The following SHTN1 variants were observed in gnomAD, a reference collection of about 807,000 sequenced individuals.
SHTN1 encodes shootin 1, also known as shootin-1.
SHTN1 carries 42 observed loss-of-function variants against 83.1 expected under a neutral mutation model. The observed-to-expected ratio is 0.51, with a 90% CI of 0.39 to 0.65. SHTN1 has a LOEUF of 0.65. Among genes scored for constraint, SHTN1 ranks in the 30% least tolerant of loss-of-function variants. The pLI, the probability that SHTN1 is intolerant of heterozygous loss-of-function variation, is 0.00. For synonymous variants in SHTN1, 224 were observed against 247.7 expected (o/e 0.90, Z 0.90); for missense variants, 622 against 737.8 (o/e 0.84, Z 1.82).
chr10:116,891,914 C>T (rs948424763), intron 16 of SHTN1, among the ~76,000 whole-genome samples: 5 of 151,964 alleles, frequency 3.3e-5, no homozygotes, highest in Non-Finnish European at 4.4e-5. Context: ...GCTCAAAGAA[C>T]GTATTAAGTT....
Position 116,927,823 on chromosome 10 carries a change from G to A in SHTN1, c.1081C>T (p.Pro361Ser). ...GGATTGGGAGGTGGAGGGGGAAGTG[G>A]TGGTGGAGGAGGAGGTGGTGGAGGT... Reference protein sequence around the residue: ...SVPPPPPPPPPLPPPPPNPIR... With the variant: ...SVPPPPPPPPSLPPPPPNPIR... Residue 361 changes from proline to serine, a missense_variant, in exon 11 of 17, where the codon CCA becomes TCA. Coordinates refer to ENST00000355371, the MANE Select transcript of SHTN1 (RefSeq NM_001127211.3). 2 of 1,604,900 alleles carry A rather than the reference G, an allele frequency of 1.2e-6. No homozygotes were observed. Among genetic ancestry groups the A allele is most frequent in the Non-Finnish European group, 1.7e-6 (2 of 1,176,188 alleles).
Position 116,927,841 on chromosome 10 carries a change from G to A in SHTN1, c.1063C>T (p.Pro355Ser), listed in dbSNP as rs1330171223. ...GGAAGTGGTGGTGGAGGAGGAGGTG[G>A]TGGAGGTACTGAATTCTCAGACTGG... ...VNQSENSVPP[P>S]PPPPPPLPPP... Residue 355 changes from proline (P) to serine (S), a missense_variant, in exon 11 of 17, where the codon CCA becomes TCA. Pro to Ser is a moderately conservative substitution (Grantham distance 74). Transcript: ENST00000355371. 2 of 1,610,794 alleles carry A rather than the reference G, an allele frequency of 1.2e-6. No individual in the cohort carries two copies. The highest frequency in any genetic ancestry group is 1.7e-6 in the Non-Finnish European group (2 of 1,178,622).
At chr10:117,076,825 A>G (rs551085209) in intron 1 of SHTN1, among the ~76,000 whole-genome samples, 5 of 152,346 alleles carry the variant, frequency 3.3e-5, no homozygotes, top group East Asian at 1.9e-4. Context: ...GAATTTACAC[A>G]TTATCTTCAT....
intron 12 of SHTN1, among the ~76,000 whole-genome samples, chr10:116,920,899 T>C (rs1848539155): frequency 1.3e-5 from 2 of 152,184 alleles, no homozygotes; most frequent in Admixed American, 1.3e-4. Context: ...AAGGCACAAC[T>C]ACTCAGCTTG....
At chr10:117,051,999 C>CATATATATATATAT (rs71013635) in intron 1 of SHTN1, among the ~76,000 whole-genome samples, 563 of 34,098 alleles carry the variant, frequency 0.017, 40 homozygotes, top group Middle Eastern at 0.026. Context: ...ATGACATAAT[C>CATATATATATATAT]ATATATATAT....
chr10:117,031,157 A>G (rs1313875254), intron 2 of SHTN1, among the ~76,000 whole-genome samples: 1 of 152,172 alleles, frequency 6.6e-6, no homozygotes, highest in Non-Finnish European at 1.5e-5. Context: ...CAATATGCCT[A>G]GTAGCACTTT....
intron 2 of SHTN1, among the ~76,000 whole-genome samples, chr10:117,026,423 CTTTTT>C (rs56269054): frequency 2.1e-5 from 3 of 143,498 alleles, no homozygotes; most frequent in African/African-American, 2.6e-5. Context: ...AGATAGACTT[CTTTTT>C]TTTTTTTTTT....
At chr10:117,113,870 A>AC (rs1478845740) in intron 1 of SHTN1, among the ~76,000 whole-genome samples, 1 of 152,024 alleles carries the variant, frequency 6.6e-6, no homozygotes, top group African/African-American at 2.4e-5. Flanking sequence ...ACATGGTGAA[A>AC]CCCCGTCTCT....
chr10:116,922,782 T>C (rs1398187908), intron 11 of SHTN1, among the ~76,000 whole-genome samples: 2 of 152,040 alleles, frequency 1.3e-5, no homozygotes, highest in African/African-American at 4.8e-5. Flanking sequence ...CTGGCCAACA[T>C]GGCAAAACCC....
intron 1 of SHTN1, among the ~76,000 whole-genome samples, chr10:116,986,913 G>A (rs1386845580): frequency 6.6e-6 from 1 of 151,752 alleles, no homozygotes; most frequent in African/African-American, 2.4e-5. Flanking sequence ...ATTTTTAGTA[G>A]AGACGGGGTT....
chr10:117,054,722 A>T (rs1034266585), intron 1 of SHTN1, among the ~76,000 whole-genome samples: 61 of 151,830 alleles, frequency 4.0e-4, no homozygotes, highest in Non-Finnish European at 7.7e-4. Flanking sequence ...CCTTATCTTA[A>T]CTTAAATATT....
intron 1 of SHTN1, among the ~76,000 whole-genome samples, chr10:117,096,383 G>A (rs1469382807): frequency 2.0e-5 from 3 of 152,134 alleles, no homozygotes; most frequent in Non-Finnish European, 1.5e-5. Flanking sequence ...TATATCCTTT[G>A]GAGCAGCTCC....
chr10:117,013,112 G>A (rs1852133319), intron 2 of SHTN1, among the ~76,000 whole-genome samples: 1 of 152,024 alleles, frequency 6.6e-6, no homozygotes. Context: ...ATTAAAATAA[G>A]TCAAAAGTAA....
At chr10:116,969,307 G>A (rs1482154803) in intron 2 of SHTN1, among the ~76,000 whole-genome samples, 1 of 152,092 alleles carries the variant, frequency 6.6e-6, no homozygotes, top group Non-Finnish European at 1.5e-5. Flanking sequence ...CAGGCGTGGT[G>A]GTGCGCACCT....
intron 1 of SHTN1, among the ~76,000 whole-genome samples, chr10:117,004,084 T>G (rs1168489045): frequency 1.3e-5 from 2 of 151,840 alleles, no homozygotes; most frequent in East Asian, 3.9e-4. Flanking sequence ...ATAGGGGTTC[T>G]CCATGTTGGT....
At chr10:116,956,879 AAAG>A (rs1431286498) in intron 4 of SHTN1, among the ~76,000 whole-genome samples, 3 of 152,150 alleles carry the variant, frequency 2.0e-5, no homozygotes, top group Middle Eastern at 3.2e-3. Context: ...TCGCATTTTG[AAAG>A]AAGAAATGTA....
intron 2 of SHTN1, among the ~76,000 whole-genome samples, chr10:117,043,572 G>A (rs1852617568): frequency 6.6e-6 from 1 of 152,158 alleles, no homozygotes. Flanking sequence ...CTGGCATGGT[G>A]GCTCATGCCT....
intron 10 of SHTN1, among the ~76,000 whole-genome samples, chr10:116,928,324 G>T (rs936206444): frequency 6.6e-6 from 1 of 152,080 alleles, no homozygotes; most frequent in African/African-American, 2.4e-5. Context: ...TCTCTCCCCT[G>T]CTTAATTTCC....
In SHTN1 at chr10:116,885,512, C is replaced by A. The variant is rs549357754; in HGVS notation, c.*832G>T. ...AGCAGTGAAGCAAGAAAAATGTGTG[C>A]TTGTCACTTATCTTCACCATACTGT... On this transcript the variant is annotated 3_prime_UTR_variant, in exon 17 of 17. Coordinates refer to ENST00000355371, the MANE Select transcript of SHTN1 (RefSeq NM_001127211.3). The A allele has an allele frequency of 6.6e-6, 1 of 152,528 alleles. No homozygotes were observed. The highest frequency in any genetic ancestry group is 6.6e-5 in the Admixed American group (1 of 15,266). The allele number at this position is 152,528 out of a possible 1,614,324, so 9.4% of individuals were successfully genotyped here.
Sources: allele counts gnomAD v4.1 joint callset (sites outside exome capture counted in the v4.1 genomes callset), GRCh38; gene constraint gnomAD v4.1.1; transcripts MANE v1.5; gene names NCBI Gene and HGNC (gene_info 2026-07-23, HGNC 2026-07-21).